Variants in OPRM1 observed in about 807,000 individuals in gnomAD.
The protein encoded by OPRM1 is mu-type opioid receptor.
Under a neutral mutation model 31.8 loss-of-function variants are expected in OPRM1, and 27 were observed. The ratio of observed to expected loss-of-function variants is 0.85; its 90% CI spans 0.63 to 1.17. OPRM1 has a LOEUF of 1.17. Ranked by LOEUF, OPRM1 falls within the 50% of genes most tolerant of loss-of-function variation. The probability of loss-of-function intolerance (pLI) is 0.00; values close to 1 mark genes in which losing one functional copy is unlikely to be tolerated. For synonymous variants in OPRM1, 196 were observed against 189.9 expected, an observed-to-expected ratio of 1.03 and a Z score of -0.26; for missense variants, 536 against 511.1, an observed-to-expected ratio of 1.05 and a Z score of -0.47.
intron 1 of OPRM1, among the ~76,000 whole-genome samples, chr6:154,060,125 C>A (rs1278144362): frequency 1.3e-5 from 2 of 152,058 alleles, no homozygotes; most frequent in African/African-American, 2.4e-5. Flanking sequence ...TAAGAAGAAT[C>A]AATCTGGAAT....
At chr6:154,193,018 A>G (rs1205140765) in intron 3 of OPRM1, among the ~76,000 whole-genome samples, 2 of 152,170 alleles carry the variant, frequency 1.3e-5, no homozygotes, top group South Asian at 4.1e-4. Flanking sequence ...CCACTACTGG[A>G]TATCTACTCA....
intron 3 of OPRM1, chr6:154,199,895 C>T (rs751311290): frequency 1.2e-6 from 2 of 1,614,186 alleles, no homozygotes; most frequent in South Asian, 1.1e-5. Context: ...AGCAGACAAA[C>T]TGTTAACTGT....
At chr6:154,159,425 G>A (rs1260452410) in intron 3 of OPRM1, 2 of 189,652 alleles carry the variant, frequency 1.1e-5, no homozygotes, top group Non-Finnish European at 2.1e-5. Context: ...CCAGTCAAGT[G>A]GAATATGTAC....
intron 1 of OPRM1, among the ~76,000 whole-genome samples, chr6:154,030,119 T>C (rs1482327190): frequency 7.0e-5 from 10 of 143,868 alleles, no homozygotes; most frequent in Admixed American, 4.7e-4. Flanking sequence ...TGGTCTATCA[T>C]TAATAATTCT....
chr6:154,161,408 G>A lies in OPRM1; in HGVS notation c.1164+69936G>A, dbSNP rs139929583. On this transcript the variant is annotated intron_variant, in intron 3 of 3. Coordinates refer to the OPRM1 transcript ENST00000337049. ...CTATTTTTAGTAGAGATGGGGTTTC[G>A]CCATGTTGACCAAGCTGGTCTCAAA... Among the ~76,000 whole-genome samples the A allele has an allele frequency of 1.2e-3, 189 of 151,846 alleles. 1 individual carries two copies. The highest frequency in any genetic ancestry group is 1.8e-3 in the Non-Finnish European group (120 of 67,902).
chr6:154,146,957 T>C (rs1035872354), intron 3 of OPRM1, among the ~76,000 whole-genome samples: 2 of 152,146 alleles, frequency 1.3e-5, no homozygotes, highest in African/African-American at 4.8e-5. Flanking sequence ...CTAGCTTCCA[T>C]CTAGTCTTGA....
At chr6:154,221,457 T>C in intron 3 of OPRM1, 1 of 710,688 alleles carries the variant, frequency 1.4e-6, no homozygotes, top group Middle Eastern at 2.9e-4. Flanking sequence ...CAAAAAATAA[T>C]TTAGTAATAT....
chr6:154,040,439 G>T (rs1391409846), intron 1 of OPRM1, among the ~76,000 whole-genome samples: 26 of 152,090 alleles, frequency 1.7e-4, no homozygotes, highest in Admixed American at 1.5e-3. Context: ...TCATCCTGAG[G>T]CAACACTAGG....
chr6:154,116,623 C>G (rs1412563972), intron 3 of OPRM1, among the ~76,000 whole-genome samples: 1 of 151,318 alleles, frequency 6.6e-6, no homozygotes, highest in Non-Finnish European at 1.5e-5. Flanking sequence ...AAAGAAAAAT[C>G]TTCTTGGATT....
chr6:154,173,323 A>T (rs775397676), intron 3 of OPRM1, among the ~76,000 whole-genome samples: 16 of 152,226 alleles, frequency 1.1e-4, no homozygotes, highest in Non-Finnish European at 2.4e-4. Context: ...AATGAATTTG[A>T]TGAGTTGACA....
chr6:154,106,641 CT>C (rs1474082325), intron 3 of OPRM1, among the ~76,000 whole-genome samples: 1 of 152,234 alleles, frequency 6.6e-6, no homozygotes, highest in African/African-American at 2.4e-5. Context: ...AACCTCCCTT[CT>C]TTTAAACAAC....
chr6:154,198,525 T>TAAA (rs531495790), intron 3 of OPRM1, among the ~76,000 whole-genome samples: 271 of 152,290 alleles, frequency 1.8e-3, no homozygotes, highest in South Asian at 0.01. Flanking sequence ...CAGGTCTGTG[T>TAAA]AAAGCATCTT....
chr6:154,014,342 A>G (rs2128376769), intron 1 of OPRM1, among the ~76,000 whole-genome samples: 1 of 152,294 alleles, frequency 6.6e-6, no homozygotes, highest in South Asian at 2.1e-4. Flanking sequence ...CCAGTTAAGG[A>G]TTATGAGGGA....
At chr6:154,012,344 A>G (rs898914137) in intron 1 of OPRM1, among the ~76,000 whole-genome samples, 9 of 152,166 alleles carry the variant, frequency 5.9e-5, no homozygotes, top group African/African-American at 1.9e-4. Flanking sequence ...TGGATCATCA[A>G]CTTTTGTTCT....
chr6:154,119,714 T>C lies in OPRM1; in HGVS notation c.*993T>C, dbSNP rs981109970. Among the ~76,000 whole-genome samples the C allele has an allele frequency of 5.9e-5, 9 of 152,192 alleles. No individual in the cohort carries two copies. Among genetic ancestry groups the C allele is most frequent in the African/African-American group, 2.2e-4 (9 of 41,462 alleles). Reference sequence around the variant, plus strand: ...GATTGCCAGAACAGTTTAAACTTTTTTTAAACAATAAATCCAATAAACATA... The same window carrying C: ...GATTGCCAGAACAGTTTAAACTTTTCTTAAACAATAAATCCAATAAACATA... On this transcript the variant is annotated 3_prime_UTR_variant, in exon 4 of 4. Transcript: ENST00000330432.
downstream of OPRM1, among the ~76,000 whole-genome samples, chr6:154,135,781 G>A (rs1175052555): frequency 2.0e-5 from 3 of 152,150 alleles, no homozygotes; most frequent in East Asian, 3.9e-4. Flanking sequence ...GGCACCACTC[G>A]ACATTTTCCT....
intron 3 of OPRM1, among the ~76,000 whole-genome samples, chr6:154,189,303 G>A (rs1801654415): frequency 6.6e-6 from 1 of 152,284 alleles, no homozygotes; most frequent in Non-Finnish European, 1.5e-5. Flanking sequence ...TATTTTGGTG[G>A]AACCAATTTA....
In OPRM1 at chr6:154,014,960, T is replaced by C. The variant is rs543723202; in HGVS notation, c.-1+3942T>C. Among the ~76,000 whole-genome samples the C allele has an allele frequency of 2.7e-3, 415 of 152,212 alleles. 6 individuals are homozygous for C. Among genetic ancestry groups the C allele is most frequent in the African/African-American group, 9.7e-3 (405 of 41,552 alleles). Reference sequence around the variant, plus strand: ...CCAAAATGTATAATAATATAAAACATCTAGGCTAAATTTTAGCAAGAAGTG... The same window carrying C: ...CCAAAATGTATAATAATATAAAACACCTAGGCTAAATTTTAGCAAGAAGTG... On this transcript the variant is annotated intron_variant, in intron 1 of 5. Transcript: ENST00000434900.
intron 3 of OPRM1, among the ~76,000 whole-genome samples, chr6:154,227,181 G>A (rs556617048): frequency 6.6e-6 from 1 of 151,814 alleles, no homozygotes; most frequent in Non-Finnish European, 1.5e-5. Flanking sequence ...TCCAGCCTGG[G>A]CAACAGAGCA....
Sources: gnomAD v4.1 joint callset for allele counts (sites outside exome capture counted in the v4.1 genomes callset) on GRCh38, gnomAD v4.1.1 for gene constraint, MANE v1.5 for transcripts, NCBI Gene and HGNC (gene_info 2026-07-23, HGNC 2026-07-21) for gene names.